KCNQ1: variants seen among roughly 807,000 people sequenced by gnomAD.
KCNQ1 encodes the protein potassium voltage-gated channel subfamily KQT member 1.
A neutral mutation model predicts 72.4 loss-of-function variants in KCNQ1; 49 were observed. The observed-to-expected ratio is 0.68, with a 90% CI of 0.54 to 0.86. The LOEUF (loss-of-function observed/expected upper bound fraction) is 0.86, where lower values mean the gene tolerates loss of function less well. Among genes scored for constraint, KCNQ1 ranks in the 40% least tolerant of loss-of-function variants. The probability of loss-of-function intolerance (pLI) is 0.00; values close to 1 mark genes in which losing one functional copy is unlikely to be tolerated. For missense variants in KCNQ1, 790 were observed against 945.1 expected (o/e 0.84, Z 2.15); for synonymous variants, 450 against 412.6 (o/e 1.09, Z -1.10).
At position 2,575,314 on chromosome 11, in the gene KCNQ1, C is replaced by T. The variant is rs182463986; in HGVS notation, c.921+2328C>T. Among the ~76,000 whole-genome samples, 22 of 152,278 alleles carry T rather than the reference C, an allele frequency of 1.4e-4. No individual in the cohort carries two copies. In the East Asian group the frequency reaches 2.7e-3, roughly 19 times the overall value. On this transcript the variant is annotated intron_variant, in intron 6 of 15. Coordinates refer to ENST00000155840, the MANE Select transcript of KCNQ1 (RefSeq NM_000218.3). ...TGCAGCCCGAGCCTCGGCCATCGCG[C>T]GCCCTGGCCTGGCCATTGTTCCCGC...
intron 15 of KCNQ1, among the ~76,000 whole-genome samples, chr11:2,794,559 G>C (rs1419858672): frequency 6.6e-6 from 1 of 152,214 alleles, no homozygotes; most frequent in Non-Finnish European, 1.5e-5. Flanking sequence ...CCTGAGCCCA[G>C]CCGGGCCCCC....
chr11:2,681,853 C>A, intron 11 of KCNQ1: 1 of 398,528 alleles, frequency 2.5e-6, no homozygotes, highest in South Asian at 1.3e-4. Flanking sequence ...TCAAGGTACT[C>A]CAAAGGAGGC....
intron 2 of KCNQ1, among the ~76,000 whole-genome samples, chr11:2,558,358 C>G (rs1381753113): frequency 6.6e-6 from 1 of 152,262 alleles, no homozygotes; most frequent in Non-Finnish European, 1.5e-5. Flanking sequence ...CGTGTTTATT[C>G]AGTGCGTCCT....
chr11:2,614,450 T>A, intron 10 of KCNQ1: 1 of 398,536 alleles, frequency 2.5e-6, no homozygotes, highest in Non-Finnish European at 4.4e-6. Context: ...TTCTAAGAAT[T>A]TATTTCCAAT....
At chr11:2,552,037 T>G (rs1847990247) in intron 2 of KCNQ1, among the ~76,000 whole-genome samples, 1 of 152,256 alleles carries the variant, frequency 6.6e-6, no homozygotes, top group Non-Finnish European at 1.5e-5. Context: ...GTCATGGCTT[T>G]GTCTTTGCAT....
rs549513699 is a variant in KCNQ1 at position 2,445,384 on chromosome 11, A to G, written c.286A>G (p.Thr96Ala). The G allele has an allele frequency of 6.3e-7, 1 of 1,597,714 alleles. No individual in the cohort carries two copies. The highest frequency in any genetic ancestry group is 1.1e-5 in the South Asian group (1 of 91,004). Residue 96 changes from threonine (T) to alanine (A), a missense_variant, in exon 1 of 16, where the codon ACG (threonine) becomes GCG (alanine). Transcript: ENST00000155840. ...AGACCCGCGCGTCTCCATCTACAGC[A>G]CGCGCCGCCCGGTGTTGGCGCGCAC... ...SLDPRVSIYS[T>A]RRPVLARTHV...
Position 2,655,750 on chromosome 11 carries a change from G to A in KCNQ1, c.1394-6211G>A, listed in dbSNP as rs144375995. On this transcript the variant is annotated intron_variant, in intron 10 of 15. Transcript: ENST00000155840. The stretch of plus-strand genomic sequence containing the variant: ...GGCTACGACCACAGGTGAAAACAGG[G>A]AAGAGGTGGCAGCTCTGGTCACTGC... 6.7e-5 allele frequency: 23 copies of A among 342,052 alleles called. 1 individual carries two copies. In the Middle Eastern group the frequency reaches 3.1e-3, roughly 46 times the overall value. The allele number at this position is 342,052 out of a possible 1,614,324, so 21.2% of individuals were successfully genotyped here.
rs903249229 is a variant in KCNQ1, at chr11:2,712,022, G to A, written c.1514+49941G>A. The stretch of plus-strand genomic sequence containing the variant: ...ACTGCCAAATGGTATGCCCAGCCTT[G>A]CTGAATCTCTACCCATCTGTAAAAA... On this transcript the variant is annotated intron_variant, in intron 11 of 15. Transcript: ENST00000155840. This position sits in a 1 kb window ranked among gnomAD's most constrained non-coding sequence, Gnocchi z 6.4. 6.6e-6 allele frequency among the ~76,000 whole-genome samples: 1 copy of A among 152,168 alleles called. No homozygotes were observed. The highest frequency in any genetic ancestry group is 1.5e-5 in the Non-Finnish European group (1 of 68,040).
chr11:2,479,416 C>G lies in KCNQ1; in HGVS notation c.386+33932C>G, dbSNP rs1846621007. Among the ~76,000 whole-genome samples the G allele has an allele frequency of 6.6e-6, 1 of 152,248 alleles. No individual in the cohort carries two copies. Among genetic ancestry groups the G allele is most frequent in the South Asian group, 2.1e-4 (1 of 4,830 alleles). Reference sequence around the variant, plus strand: ...TCTCTGAAATCTAGGCAGAGCTTTCCATACCTCAATTCTTGACTTCTGTGC... The same window carrying G: ...TCTCTGAAATCTAGGCAGAGCTTTCGATACCTCAATTCTTGACTTCTGTGC... On this transcript the variant is annotated intron_variant, in intron 1 of 15. Coordinates refer to ENST00000155840, the MANE Select transcript of KCNQ1 (RefSeq NM_000218.3). The surrounding 1 kb of genome is among the most constrained non-coding windows in gnomAD (Gnocchi z 4.6).
At chr11:2,708,844 G>A (rs977699499) in intron 11 of KCNQ1, among the ~76,000 whole-genome samples, 19 of 152,062 alleles carry the variant, frequency 1.2e-4, no homozygotes, top group African/African-American at 4.6e-4. Flanking sequence ...CTGGCAACAG[G>A]GGCAGCTCCA....
chr11:2,786,663 T>G (rs1846921415), intron 15 of KCNQ1, among the ~76,000 whole-genome samples: 1 of 152,092 alleles, frequency 6.6e-6, no homozygotes, highest in Non-Finnish European at 1.5e-5. Context: ...TCTTTGACTG[T>G]GTTTAATCTG....
Position 2,475,363 on chromosome 11 carries a change from C to T in KCNQ1, c.386+29879C>T, listed in dbSNP as rs144841387. On this transcript the variant is annotated intron_variant, in intron 1 of 15. Coordinates refer to ENST00000155840, the MANE Select transcript of KCNQ1 (RefSeq NM_000218.3). The surrounding 1 kb of genome is among the most constrained non-coding windows in gnomAD (Gnocchi z 5.8). ...AGTGGTCTGTGGTGTGGATGGACTA[C>T]GTGCAGCTGTCTCTGCCTTTGGCTG... 6.9e-3 allele frequency among the ~76,000 whole-genome samples: 1,050 copies of T among 152,266 alleles called. 7 individuals carry two copies. The highest frequency in any genetic ancestry group is 0.023 in the African/African-American group (959 of 41,546).
intron 10 of KCNQ1, among the ~76,000 whole-genome samples, chr11:2,597,238 A>G (rs1564828923): frequency 6.6e-6 from 1 of 152,216 alleles, no homozygotes; most frequent in Admixed American, 6.5e-5. Context: ...CATTGATGTT[A>G]GAAAAATAAA....
chr11:2,702,328 G>T (rs1468464901), intron 11 of KCNQ1, among the ~76,000 whole-genome samples: 1 of 152,210 alleles, frequency 6.6e-6, no homozygotes, highest in East Asian at 1.9e-4. Context: ...GACTCCTTCA[G>T]TCCTCGCTCT....
At chr11:2,681,558 A>C (rs1850397189) in intron 11 of KCNQ1, 1 of 398,518 alleles carries the variant, frequency 2.5e-6, no homozygotes, top group African/African-American at 2.1e-5. Context: ...ACCCTTTTCT[A>C]GAGTAACTTC....
chr11:2,798,275 G>A (rs749451294), intron 15 of KCNQ1, among the ~76,000 whole-genome samples: 5 of 152,100 alleles, frequency 3.3e-5, no homozygotes, highest in Admixed American at 6.5e-5. Context: ...GTCACCTTTC[G>A]GCTTGGCATC....
Position 2,738,479 on chromosome 11 carries a change from G to A in KCNQ1, c.1515-30365G>A, listed in dbSNP as rs577760703. Among the ~76,000 whole-genome samples the A allele has an allele frequency of 2.6e-5, 4 of 152,318 alleles. No homozygotes were observed. The East Asian group carries it at 5.8e-4, about 22-fold the overall frequency. On this transcript the variant is annotated intron_variant, in intron 11 of 15. Transcript: ENST00000155840. ...TGTGACAAGGGAATCTCAGGCTTCTGCTCACCTCTGCTGGGGGCAGAGACC... is the reference window on the plus strand; with the variant it reads ...TGTGACAAGGGAATCTCAGGCTTCTACTCACCTCTGCTGGGGGCAGAGACC...
rs1847592915 is a variant in KCNQ1, at chr11:2,815,354, G to T, written c.1795-32413G>T. 1.3e-5 allele frequency among the ~76,000 whole-genome samples: 2 copies of T among 152,144 alleles called. 1 individual carries two copies. Among genetic ancestry groups the T allele is most frequent in the South Asian group, 4.1e-4 (2 of 4,828 alleles). On this transcript the variant is annotated intron_variant, in intron 15 of 15. Coordinates refer to ENST00000155840, the MANE Select transcript of KCNQ1 (RefSeq NM_000218.3). The surrounding 1 kb of genome is among the most constrained non-coding windows in gnomAD (Gnocchi z 5.4). Reference sequence around the variant, plus strand: ...GGACCTCTGTGCTTTCTGGTGGGGGGCTTGTCAGGGAGCTCATGGGCACCT... The same window carrying T: ...GGACCTCTGTGCTTTCTGGTGGGGGTCTTGTCAGGGAGCTCATGGGCACCT...
At chr11:2,522,177 G>A (rs114914757) in intron 1 of KCNQ1, among the ~76,000 whole-genome samples, 4,402 of 149,726 alleles carry the variant, frequency 0.029, 191 homozygotes, top group African/African-American at 0.094. Flanking sequence ...TCTGGGGTGC[G>A]GTGGGCTCCC....
Sources: gnomAD v4.1 joint callset for allele counts (sites outside exome capture counted in the v4.1 genomes callset) on GRCh38, gnomAD v4.1.1 for gene constraint, Gnocchi (gnomAD v3.1) non-coding constraint, MANE v1.5 for transcripts, NCBI Gene and HGNC (gene_info 2026-07-23, HGNC 2026-07-21) for gene names.